Variants in SLC9A9 observed in about 807,000 individuals in gnomAD.
SLC9A9 encodes sodium/hydrogen exchanger 9.
SLC9A9 carries 62 observed loss-of-function variants against 77.8 expected under a neutral mutation model. That is an observed-to-expected ratio of 0.80 (90% CI 0.65 to 0.98). The LOEUF is 0.98. Ranked by LOEUF, SLC9A9 falls within the 50% of genes least tolerant of loss-of-function variation. The pLI is 0.00. For synonymous variants in SLC9A9, 320 were observed against 283.5 expected, an observed-to-expected ratio of 1.13 and a Z score of -1.29; for missense variants, 775 against 774.9, an observed-to-expected ratio of 1.00 and a Z score of 0.00.
chr3:143,724,801 G>A (rs760134284), intron 4 of SLC9A9, among the ~76,000 whole-genome samples: 1 of 152,148 alleles, frequency 6.6e-6, no homozygotes, highest in Non-Finnish European at 1.5e-5. Context: ...CTACCACAGA[G>A]TATTTAGAGA....
intron 9 of SLC9A9, chr3:143,503,909 G>T: frequency 2.7e-6 from 1 of 374,462 alleles, no homozygotes; most frequent in South Asian, 2.1e-5. Context: ...GGAGGGGGCA[G>T]AGATGATGAC....
At chr3:143,584,177 C>T (rs116107536) in intron 6 of SLC9A9, among the ~76,000 whole-genome samples, 2,600 of 152,230 alleles carry the variant, frequency 0.017, 73 homozygotes, top group African/African-American at 0.059. Context: ...CTCCTGATCA[C>T]GACACTCTTC....
At chr3:143,356,461 T>C (rs1466386493) in intron 14 of SLC9A9, among the ~76,000 whole-genome samples, 1 of 152,196 alleles carries the variant, frequency 6.6e-6, no homozygotes, top group Non-Finnish European at 1.5e-5. Context: ...AAAATTCCCC[T>C]GTGTTGATTC....
intron 8 of SLC9A9, among the ~76,000 whole-genome samples, chr3:143,559,496 G>T (rs1173251295): frequency 6.6e-6 from 1 of 151,884 alleles, no homozygotes; most frequent in Admixed American, 6.6e-5. Flanking sequence ...AATTCTGAAG[G>T]CCTGTCATTT....
intron 14 of SLC9A9, among the ~76,000 whole-genome samples, chr3:143,301,112 C>T (rs1388214228): frequency 6.6e-6 from 1 of 152,224 alleles, no homozygotes; most frequent in African/African-American, 2.4e-5. Flanking sequence ...CATATTTTCT[C>T]ATTTGCAAAA....
chr3:143,826,037 T>A (rs2009288399), intron 2 of SLC9A9, among the ~76,000 whole-genome samples: 2 of 152,244 alleles, frequency 1.3e-5, no homozygotes, highest in South Asian at 4.1e-4. Flanking sequence ...GGCAGGCAGA[T>A]CACTGGAGGT....
rs148247037 is a variant in SLC9A9 at position 143,411,924 on chromosome 3, A to G, written c.1470-29810T>C. 1.4e-4 allele frequency among the ~76,000 whole-genome samples: 21 copies of G among 152,238 alleles called. No individual in the cohort carries two copies. The East Asian group carries it at 3.7e-3, about 27-fold the overall frequency. On this transcript the variant is annotated intron_variant, in intron 12 of 15. Transcript: ENST00000316549. Reference sequence around the variant, plus strand: ...AACTATTCTTGTGGGCCAGTGAACAACAAGCAGACAAACTGTTGCCCTTCT... The same window carrying G: ...AACTATTCTTGTGGGCCAGTGAACAGCAAGCAGACAAACTGTTGCCCTTCT...
rs567402366 is a variant in SLC9A9, at chr3:143,301,063, T to TC, written c.1605-32084dup. 7.3e-3 allele frequency among the ~76,000 whole-genome samples: 1,108 copies of TC among 152,308 alleles called. 6 individuals are homozygous for TC. The highest frequency in any genetic ancestry group is 0.012 in the Non-Finnish European group (839 of 68,028). On this transcript the variant is annotated intron_variant, in intron 14 of 15. Coordinates refer to ENST00000316549, the MANE Select transcript of SLC9A9 (RefSeq NM_173653.4). Reference sequence around the variant, plus strand: ...CCCCTAATCCTCACCACTACCACCTTCACCATGACCTTGGGAAATCTTTTC... The same window carrying TC: ...CCCCTAATCCTCACCACTACCACCTTCCACCATGACCTTGGGAAATCTTTTC...
intron 12 of SLC9A9, among the ~76,000 whole-genome samples, chr3:143,451,809 C>T (rs1274232587): frequency 6.6e-6 from 1 of 152,020 alleles, no homozygotes; most frequent in Admixed American, 6.6e-5. Context: ...TAAGACATAT[C>T]AGAGTAACGC....
chr3:143,685,551 A>G (rs1316255352), intron 5 of SLC9A9, among the ~76,000 whole-genome samples: 2 of 152,182 alleles, frequency 1.3e-5, no homozygotes, highest in African/African-American at 4.8e-5. Flanking sequence ...ATGCAGCTGC[A>G]TCATGTAAAA....
intron 4 of SLC9A9, among the ~76,000 whole-genome samples, chr3:143,729,669 C>A (rs1934751897): frequency 6.6e-6 from 1 of 152,170 alleles, no homozygotes; most frequent in Non-Finnish European, 1.5e-5. Context: ...TCCTTCATCA[C>A]CCCAGGCTGC....
Position 143,265,783 on chromosome 3 carries a change from C to A in SLC9A9, c.*919G>T. 1.8e-6 allele frequency: 1 copy of A among 556,224 alleles called. No homozygotes were observed. Among genetic ancestry groups the A allele is most frequent in the Non-Finnish European group, 3.2e-6 (1 of 314,186 alleles). 34.5% of individuals were successfully genotyped at this position (556,224 alleles called of 1,614,324 possible). A position where few individuals can be genotyped will look rare whatever the true frequency, so the allele number is the denominator to read the frequency against. On this transcript the variant is annotated 3_prime_UTR_variant, in exon 16 of 16. Coordinates refer to ENST00000316549, the MANE Select transcript of SLC9A9 (RefSeq NM_173653.4). ...CTCGCCCTGCTCCTGCACTGCTCATCAGCTGTGAATGCTGGAATTGGAGGA... is the reference window on the plus strand; with the variant it reads ...CTCGCCCTGCTCCTGCACTGCTCATAAGCTGTGAATGCTGGAATTGGAGGA...
In SLC9A9 at chr3:143,848,258, A is replaced by C. The variant is rs559067786; in HGVS notation, c.65T>G (p.Val22Gly). Residue 22 changes from valine to glycine, a missense_variant, in exon 1 of 16, where the codon GTG (valine) becomes GGG (glycine). By Grantham distance (109) the Val-to-Gly change is moderately radical (BLOSUM62 -3). Coordinates refer to ENST00000316549, the MANE Select transcript of SLC9A9 (RefSeq NM_173653.4). ...DEYQFQHQGA[V>G]ELLVFNFLLI... Reference sequence around the variant, plus strand: ...CAAAAAATTGAAGACAAGCAGCTCCACCGCTCCCTGATGTTGAAACTGATA... The same window carrying C: ...CAAAAAATTGAAGACAAGCAGCTCCCCCGCTCCCTGATGTTGAAACTGATA... 1.2e-6 allele frequency: 2 copies of C among 1,613,998 alleles called. No homozygotes were observed. Among genetic ancestry groups the C allele is most frequent in the South Asian group, 2.2e-5 (2 of 91,056 alleles).
At chr3:143,377,695 C>A (rs1302793981) in intron 13 of SLC9A9, among the ~76,000 whole-genome samples, 2 of 152,208 alleles carry the variant, frequency 1.3e-5, no homozygotes, top group Non-Finnish European at 2.9e-5. Flanking sequence ...ATCACAACAG[C>A]TGGCAGGGTG....
At chr3:143,724,067 C>T (rs1028708587) in intron 4 of SLC9A9, among the ~76,000 whole-genome samples, 1 of 152,144 alleles carries the variant, frequency 6.6e-6, no homozygotes, top group Non-Finnish European at 1.5e-5. Context: ...CCCACTGCAG[C>T]GATTGTTTTT....
chr3:143,333,008 A>G (rs6440163), intron 14 of SLC9A9, among the ~76,000 whole-genome samples: 40,460 of 152,128 alleles, frequency 0.27, 5,697 homozygotes, highest in African/African-American at 0.34. Context: ...ATTGATGCCA[A>G]CTACAACTGC....
At chr3:143,373,062 C>T (rs141769223) in intron 13 of SLC9A9, among the ~76,000 whole-genome samples, 401 of 128,278 alleles carry the variant, frequency 3.1e-3, no homozygotes, top group African/African-American at 0.011. Context: ...TCTTAAAGAA[C>T]CAAAAGTAGA....
At chr3:143,335,633 T>C (rs2031900152) in intron 14 of SLC9A9, among the ~76,000 whole-genome samples, 1 of 152,158 alleles carries the variant, frequency 6.6e-6, no homozygotes, top group Non-Finnish European at 1.5e-5. Context: ...GCAAATGATC[T>C]TTGATGAGTC....
At chr3:143,562,599 T>C (rs1306170794) in intron 8 of SLC9A9, among the ~76,000 whole-genome samples, 1 of 151,740 alleles carries the variant, frequency 6.6e-6, no homozygotes, top group Non-Finnish European at 1.5e-5. Context: ...GTATTTATCT[T>C]GCATGTTTTG....
Sources: allele counts gnomAD v4.1 joint callset (sites outside exome capture counted in the v4.1 genomes callset), GRCh38; gene constraint gnomAD v4.1.1; transcripts MANE v1.5; gene names NCBI Gene and HGNC (gene_info 2026-07-23, HGNC 2026-07-21).